Variants in INHBA observed in about 807,000 individuals in gnomAD.
The protein encoded by INHBA is inhibin beta A chain.
A neutral mutation model predicts 29.0 loss-of-function variants in INHBA; 1 was observed. The observed-to-expected ratio is 0.03, with a 90% CI of 0.01 to 0.16. The LOEUF is 0.16. Ranked by LOEUF, INHBA falls within the 10% of genes least tolerant of loss-of-function variation. The pLI is 1.00. For synonymous variants in INHBA, 242 were observed against 216.8 expected, an observed-to-expected ratio of 1.12 and a Z score of -1.02; for missense variants, 376 against 545.4, an observed-to-expected ratio of 0.69 and a Z score of 3.09.
chr7:41,702,946 C>T (rs1794826919), intron 1 of INHBA, 59 bp downstream of exon 1: 1 of 152,192 alleles, frequency 6.6e-6, no homozygotes, highest in African/African-American at 2.4e-5. Flanking sequence ...AAAATTCCTC[C>T]TAGCTTTCCT....
rs1277674894 is a variant in INHBA at position 41,685,598 on chromosome 7, T to C, written c.*4052A>G. 6.6e-6 allele frequency: 1 copy of C among 152,164 alleles called. No homozygotes were observed. The highest frequency in any genetic ancestry group is 1.5e-5 in the Non-Finnish European group (1 of 67,992). 9.4% of individuals were successfully genotyped at this position (152,164 alleles called of 1,614,324 possible). ...TGGCTTTCATAATTATATTTTTCTT[T>C]TAAAGAAAAATATCAACCCATTGTC... On this transcript the variant is annotated 3_prime_UTR_variant, in exon 3 of 3. Transcript: ENST00000242208.
At position 41,689,524 on chromosome 7, in the gene INHBA, T is replaced by C. The variant is rs529491006; in HGVS notation, c.*126A>G. On this transcript the variant is annotated 3_prime_UTR_variant, in exon 3 of 3. Coordinates refer to ENST00000242208, the MANE Select transcript of INHBA (RefSeq NM_002192.4). The stretch of plus-strand genomic sequence containing the variant: ...TTTAATTTACTTTTGTTTTTTTTTG[T>C]TTTTTTTTTTGTTTTGTTTTTAATT... 2.5e-5 allele frequency: 14 copies of C among 558,148 alleles called. 1 individual carries two copies. In the South Asian group the frequency reaches 7.2e-4, roughly 29 times the overall value. The allele number at this position is 558,148 out of a possible 1,614,324, so 34.6% of individuals were successfully genotyped here.
upstream of INHBA, among the ~76,000 whole-genome samples, chr7:41,703,589 A>G (rs1794843652): frequency 6.6e-6 from 1 of 152,138 alleles, no homozygotes. Flanking sequence ...AATTGGGAAA[A>G]TCTGTATAAT....
chr7:41,689,571 G>T lies in INHBA; in HGVS notation c.*79C>A. ...AATTTCTATTTTTCTGGTTAACTCAGAAACCTTAAAAATTTCTTCATTTTG... is the reference window on the plus strand; with the variant it reads ...AATTTCTATTTTTCTGGTTAACTCATAAACCTTAAAAATTTCTTCATTTTG... On this transcript the variant is annotated 3_prime_UTR_variant, in exon 3 of 3. Transcript: ENST00000242208. 4.7e-6 allele frequency: 5 copies of T among 1,059,766 alleles called. No homozygotes were observed. The highest frequency in any genetic ancestry group is 6.3e-6 in the Non-Finnish European group (5 of 797,318). 65.6% of individuals were successfully genotyped at this position (1,059,766 alleles called of 1,614,324 possible). A position where few individuals can be genotyped will look rare whatever the true frequency, so the allele number is the denominator to read the frequency against.
rs967284436 is a variant in INHBA, at chr7:41,686,904, C to T, written c.*2746G>A. On this transcript the variant is annotated 3_prime_UTR_variant, in exon 3 of 3. Transcript: ENST00000242208. ...GTGAACCAGGACTTAATTTCTCACA[C>T]TGTTTCTGCAGGTTCCGGTACCAAA... 1 of 152,200 alleles carries T rather than the reference C, an allele frequency of 6.6e-6. No homozygotes were observed. Among genetic ancestry groups the T allele is most frequent in the Non-Finnish European group, 1.5e-5 (1 of 68,028 alleles). The allele number at this position is 152,200 out of a possible 1,614,324, so 9.4% of individuals were successfully genotyped here.
At chr7:41,702,068 C>A (rs1418203541) in intron 1 of INHBA, among the ~76,000 whole-genome samples, 1 of 152,082 alleles carries the variant, frequency 6.6e-6, no homozygotes, top group Non-Finnish European at 1.5e-5. Flanking sequence ...GCGTTCCTTC[C>A]CTCTCGGTTT....
chr7:41,700,431 C>G lies in INHBA; in HGVS notation c.-57G>C, dbSNP rs1000913579. The G allele has an allele frequency of 2.2e-6, 3 of 1,355,272 alleles. No individual in the cohort carries two copies. The highest frequency in any genetic ancestry group is 2.6e-5 in the Admixed American group (1 of 38,132). The allele number at this position is 1,355,272 out of a possible 1,614,324, so 84.0% of individuals were successfully genotyped here. ...TTAAAAGGCCCTGCTTTTCCTCCCC[C>G]CTCACGCGCAGGTTTTTTTGTGTGT... is the stretch of plus-strand genomic sequence containing the variant. On this transcript the variant is annotated 5_prime_UTR_variant, in exon 2 of 3. Transcript: ENST00000242208.
chr7:41,693,672 G>A (rs1216839079), intron 2 of INHBA, among the ~76,000 whole-genome samples: 2 of 152,220 alleles, frequency 1.3e-5, no homozygotes, highest in Non-Finnish European at 2.9e-5. Flanking sequence ...CAATCTGTCA[G>A]GTGCTGTTAT....
At chr7:41,697,309 G>C (rs779653947) in intron 2 of INHBA, among the ~76,000 whole-genome samples, 1 of 152,150 alleles carries the variant, frequency 6.6e-6, no homozygotes, top group Non-Finnish European at 1.5e-5. Context: ...TTTGTTTGTT[G>C]GGATACATTT....
chr7:41,689,523 G>GT lies in INHBA; in HGVS notation c.*126dup, dbSNP rs202220254. On this transcript the variant is annotated 3_prime_UTR_variant, in exon 3 of 3. Transcript: ENST00000242208. ...TTTTAATTTACTTTTGTTTTTTTTT[G>GT]TTTTTTTTTTTGTTTTGTTTTTAAT... The GT allele has an allele frequency of 0.074, 37,770 of 508,004 alleles. 88 individuals are homozygous for GT. Among genetic ancestry groups the GT allele is most frequent in the East Asian group, 0.094 (1,681 of 17,908 alleles). The allele number at this position is 508,004 out of a possible 1,614,324, so 31.5% of individuals were successfully genotyped here.
intron 2 of INHBA, among the ~76,000 whole-genome samples, chr7:41,694,749 T>C (rs1794603543): frequency 1.3e-5 from 2 of 152,076 alleles, no homozygotes; most frequent in East Asian, 3.9e-4. Flanking sequence ...CCCATGTGGG[T>C]GATAATATTT....
rs1794416696 is a variant in INHBA, at chr7:41,687,709, AAATT to A, written c.*1937_*1940del. On this transcript the variant is annotated 3_prime_UTR_variant, in exon 3 of 3. Coordinates refer to ENST00000242208, the MANE Select transcript of INHBA (RefSeq NM_002192.4). ...TCTCCCTCTCTTAACACTTTCTCTC[AAATT>A]AATTATCTTTTAGTTAGTGATGACA... 1 of 152,158 alleles carries A rather than the reference AAATT, an allele frequency of 6.6e-6. No homozygotes were observed. Among genetic ancestry groups the A allele is most frequent in the African/African-American group, 2.4e-5 (1 of 41,432 alleles). The allele number at this position is 152,158 out of a possible 1,614,324, so 9.4% of individuals were successfully genotyped here.
At chr7:41,703,671 C>T (rs1794845687), upstream of INHBA, among the ~76,000 whole-genome samples, 1 of 152,020 alleles carries the variant, frequency 6.6e-6, no homozygotes, top group African/African-American at 2.4e-5. Flanking sequence ...TGAATGCCTG[C>T]TTCATAAATC....
In INHBA at chr7:41,689,979, C is replaced by T. The variant is rs772872634; in HGVS notation, c.952G>A (p.Val318Ile). Residue 318 changes from valine (V) to isoleucine (I), a missense_variant, in exon 3 of 3, where the codon GTC becomes ATC. Val to Ile is a conservative substitution (Grantham distance 29). This residue lies in a region of INHBA where 253 missense variants were observed against 313.4 expected (regional missense o/e 0.81). Transcript: ENST00000242208. The stretch of plus-strand genomic sequence containing the variant: ...AACTGTTTCTTACAGCAGATGTTGA[C>T]CTTGCCATCACACTCCAAGCCCCGC... The part of the protein sequence containing the change: ...RRRGLECDGK[V>I]NICCKKQFFV... 9.9e-6 allele frequency: 16 copies of T among 1,614,064 alleles called. No individual in the cohort carries two copies. Among genetic ancestry groups the T allele is most frequent in the East Asian group, 2.2e-5 (1 of 44,860 alleles).
chr7:41,701,830 C>T (rs535087238), intron 1 of INHBA, among the ~76,000 whole-genome samples: 2 of 152,332 alleles, frequency 1.3e-5, no homozygotes, highest in South Asian at 4.1e-4. Flanking sequence ...AAGCCTGTCC[C>T]GACCAGTGCA....
rs1388904481 is a variant in INHBA at position 41,690,244 on chromosome 7, C to T, written c.687G>A (p.Arg229=). 2.5e-6 allele frequency: 4 copies of T among 1,613,956 alleles called. No individual in the cohort carries two copies. The highest frequency in any genetic ancestry group is 1.3e-5 in the African/African-American group (1 of 74,886). Residue 229 remains arginine, a synonymous_variant, in exon 3 of 3, where the codon CGG becomes CGA. Transcript: ENST00000242208. ...HVFPVSSSIQ[R]LLDQGKSSLD... ...GGGAGCTCTTGCCCTGGTCCAGCAA[C>T]CGCTGGATGCTGCTGGAGACAGGGA... is the stretch of plus-strand genomic sequence containing the variant.
chr7:41,690,629 A>C (rs995753302), intron 2 of INHBA, 87 bp from the exon 3 acceptor site: 8 of 1,440,446 alleles, frequency 5.6e-6, no homozygotes, highest in Non-Finnish European at 7.3e-6. Flanking sequence ...GGCAAGCAGG[A>C]GTCTTCTGTG....
At chr7:41,696,925 T>C (rs1794663057) in intron 2 of INHBA, among the ~76,000 whole-genome samples, 1 of 152,184 alleles carries the variant, frequency 6.6e-6, no homozygotes, top group African/African-American at 2.4e-5. Flanking sequence ...TCTTGGTGTG[T>C]CATTTGTCTT....
chr7:41,692,971 A>T (rs1794555857), intron 2 of INHBA, among the ~76,000 whole-genome samples: 1 of 152,200 alleles, frequency 6.6e-6, no homozygotes, highest in African/African-American at 2.4e-5. Flanking sequence ...GAAACCTCCC[A>T]AGCCTTGGAT....
Sources: gnomAD v4.1 joint callset for allele counts (sites outside exome capture counted in the v4.1 genomes callset) on GRCh38, gnomAD v4.1.1 for gene constraint, gnomAD v4.1.1 regional missense constraint, MANE v1.5 for transcripts, NCBI Gene and HGNC (gene_info 2026-07-23, HGNC 2026-07-21) for gene names.